Variants in RBFOX1 observed in about 807,000 individuals in gnomAD.
The protein encoded by RBFOX1 is RNA binding protein fox-1 homolog 1.
Under a neutral mutation model 57.7 loss-of-function variants are expected in RBFOX1, and 8 were observed. The ratio of observed to expected loss-of-function variants is 0.14; its 90% CI spans 0.08 to 0.25. RBFOX1 has a LOEUF of 0.25. Among genes scored for constraint, RBFOX1 ranks in the 10% least tolerant of loss-of-function variants. RBFOX1 has a pLI of 1.00. For missense variants in RBFOX1, 611 were observed against 548.5 expected (o/e 1.11, Z -1.14); for synonymous variants, 326 against 222.4 (o/e 1.47, Z -4.15).
intron 4 of RBFOX1, among the ~76,000 whole-genome samples, chr16:7,220,862 A>G (rs778126963): frequency 2.4e-4 from 37 of 152,024 alleles, no homozygotes; most frequent in Middle Eastern, 3.4e-3. Context: ...ATCCCATCCT[A>G]CTTTCTGCTT....
chr16:6,484,107 T>C (rs981255569), intron 2 of RBFOX1, among the ~76,000 whole-genome samples: 4 of 152,178 alleles, frequency 2.6e-5, no homozygotes, highest in Admixed American at 1.3e-4. Flanking sequence ...CCAATGCTCA[T>C]TGGCTCCGTT....
At chr16:5,755,824 C>G (rs749626798) in intron 3 of RBFOX1, among the ~76,000 whole-genome samples, 1 of 152,124 alleles carries the variant, frequency 6.6e-6, no homozygotes, top group Non-Finnish European at 1.5e-5. Context: ...TCTCGAACTC[C>G]TGACCTCAGG....
At chr16:6,954,841 T>A (rs1260398322) in intron 3 of RBFOX1, among the ~76,000 whole-genome samples, 1 of 152,190 alleles carries the variant, frequency 6.6e-6, no homozygotes, top group African/African-American at 2.4e-5. Context: ...AGCAACTTTA[T>A]AACCTTGGGC....
chr16:5,491,339 G>A (rs1272586158), intron 2 of RBFOX1, among the ~76,000 whole-genome samples: 1 of 152,084 alleles, frequency 6.6e-6, no homozygotes, highest in Non-Finnish European at 1.5e-5. Flanking sequence ...GACTATTATC[G>A]CCAAAGGTTA....
chr16:5,934,766 C>T (rs1346736511), intron 4 of RBFOX1, among the ~76,000 whole-genome samples: 1 of 152,100 alleles, frequency 6.6e-6, no homozygotes, highest in East Asian at 1.9e-4. Context: ...GGGGGACTGA[C>T]CCACAGACCA....
chr16:7,337,073 T>C (rs1364955165), intron 4 of RBFOX1, among the ~76,000 whole-genome samples: 1 of 152,176 alleles, frequency 6.6e-6, no homozygotes, highest in Non-Finnish European at 1.5e-5. Flanking sequence ...CAACGGGTCT[T>C]AGGTAAGAAA....
chr16:7,489,023 G>A (rs775204155), intron 4 of RBFOX1, among the ~76,000 whole-genome samples: 3 of 151,994 alleles, frequency 2.0e-5, no homozygotes, highest in Admixed American at 6.6e-5. Context: ...ACCTACCTAT[G>A]CATCTATCTC....
At chr16:6,612,546 C>G (rs913174158) in intron 2 of RBFOX1, among the ~76,000 whole-genome samples, 11 of 151,954 alleles carry the variant, frequency 7.2e-5, no homozygotes, top group Admixed American at 6.6e-4. Context: ...CATTCATTTC[C>G]CAGATGTTAA....
In RBFOX1 at chr16:7,637,160, T is replaced by A. The variant is rs1336400441; in HGVS notation, c.757+6477T>A. Among the ~76,000 whole-genome samples, 5 of 151,852 alleles carry A rather than the reference T, an allele frequency of 3.3e-5. No individual in the cohort carries two copies. The East Asian group carries it at 9.6e-4, about 29-fold the overall frequency. ...TGCCAATGAGCGCGTTTTCCACAGTTCCATGAAAGCCAGAGTTGAACAGTA... is the reference window on the plus strand; with the variant it reads ...TGCCAATGAGCGCGTTTTCCACAGTACCATGAAAGCCAGAGTTGAACAGTA... On this transcript the variant is annotated intron_variant, in intron 11 of 15. Coordinates refer to ENST00000550418, the MANE Select transcript of RBFOX1 (RefSeq NM_018723.4).
chr16:7,676,664 C>CT (rs1047323485), intron 13 of RBFOX1, 110 bp from the exon 14 acceptor site: 12 of 942,706 alleles, frequency 1.3e-5, no homozygotes, highest in Non-Finnish European at 1.9e-5. Flanking sequence ...TTAACCTCAA[C>CT]TTTAGCTCAG....
intron 4 of RBFOX1, among the ~76,000 whole-genome samples, chr16:5,930,071 G>A (rs538744630): frequency 1.3e-5 from 2 of 151,776 alleles, no homozygotes; most frequent in Non-Finnish European, 2.9e-5. Context: ...GAGAATGGGG[G>A]CTGGGAGGGG....
intron 3 of RBFOX1, among the ~76,000 whole-genome samples, chr16:5,767,590 C>T (rs1425440779): frequency 2.6e-5 from 4 of 152,208 alleles, no homozygotes; most frequent in Admixed American, 1.3e-4. Context: ...TCTCCAGCTT[C>T]CTGCTTTTGT....
intron 4 of RBFOX1, among the ~76,000 whole-genome samples, chr16:5,945,282 C>T (rs891117794): frequency 6.6e-6 from 1 of 152,166 alleles, no homozygotes; most frequent in Non-Finnish European, 1.5e-5. Context: ...CGAGGACCCA[C>T]ACATGGTCTG....
intron 2 of RBFOX1, among the ~76,000 whole-genome samples, chr16:6,603,365 A>G (rs547810312): frequency 6.6e-6 from 1 of 152,312 alleles, no homozygotes; most frequent in South Asian, 2.1e-4. Flanking sequence ...CAACTAAAGG[A>G]TTTAAGGGAA....
chr16:5,959,013 C>T (rs2059699956), intron 4 of RBFOX1, among the ~76,000 whole-genome samples: 1 of 152,130 alleles, frequency 6.6e-6, no homozygotes. Flanking sequence ...AGGATGTGAA[C>T]ATCTTTGGAG....
At chr16:6,391,934 G>A (rs8047268) in intron 2 of RBFOX1, among the ~76,000 whole-genome samples, 1 of 152,070 alleles carries the variant, frequency 6.6e-6, no homozygotes, top group Non-Finnish European at 1.5e-5. Context: ...GAGTGAATAA[G>A]TCTTTCAGAG....
chr16:6,302,718 T>C lies in RBFOX1; in HGVS notation c.-126-14277T>C, dbSNP rs1016715508. 4.6e-5 allele frequency among the ~76,000 whole-genome samples: 7 copies of C among 152,214 alleles called. No homozygotes were observed. In the South Asian group the frequency reaches 8.3e-4, roughly 18 times the overall value. On this transcript the variant is annotated intron_variant, in intron 1 of 15. Coordinates refer to ENST00000550418, the MANE Select transcript of RBFOX1 (RefSeq NM_018723.4). ...AAAACAAGAAGGTCTAATCTCTTTCTTGTGCAAACAGGAGACTGAGGCCCA... is the reference window on the plus strand; with the variant it reads ...AAAACAAGAAGGTCTAATCTCTTTCCTGTGCAAACAGGAGACTGAGGCCCA...
intron 4 of RBFOX1, among the ~76,000 whole-genome samples, chr16:7,400,010 T>C (rs1375500808): frequency 6.6e-6 from 1 of 152,154 alleles, no homozygotes; most frequent in East Asian, 1.9e-4. Context: ...ATCTTAACAA[T>C]TATATGAGGT....
At chr16:5,375,793 C>T (rs485496) in intron 1 of RBFOX1, among the ~76,000 whole-genome samples, 4,901 of 152,274 alleles carry the variant, frequency 0.032, 228 homozygotes, top group African/African-American at 0.1. Context: ...CCATGCTAAG[C>T]GCTTTAATAT....
Sources: allele counts gnomAD v4.1 joint callset (sites outside exome capture counted in the v4.1 genomes callset), GRCh38; gene constraint gnomAD v4.1.1; transcripts MANE v1.5; gene names NCBI Gene and HGNC (gene_info 2026-07-23, HGNC 2026-07-21).